The following GRAMD1B variants were observed in gnomAD, a reference collection of about 807,000 sequenced individuals.
GRAMD1B encodes protein Aster-B.
In GRAMD1B, 37 loss-of-function variants were observed where a neutral mutation model predicts 99.7. That is an observed-to-expected ratio of 0.37 (90% CI 0.29 to 0.49). The LOEUF is 0.49. GRAMD1B is among the 20% of genes least tolerant of loss of function. GRAMD1B has a pLI of 0.98. For synonymous variants in GRAMD1B, 427 were observed against 387.6 expected, an observed-to-expected ratio of 1.10 and a Z score of -1.19; for missense variants, 888 against 1,009.2, an observed-to-expected ratio of 0.88 and a Z score of 1.63.
chr11:123,409,413 C>T (rs1947963077), intron 1 of GRAMD1B, among the ~76,000 whole-genome samples: 1 of 152,184 alleles, frequency 6.6e-6, no homozygotes, highest in Non-Finnish European at 1.5e-5. Context: ...GTGCCGCAGT[C>T]ATCTCATCTG....
intron 1 of GRAMD1B, among the ~76,000 whole-genome samples, chr11:123,373,520 A>G (rs1458242070): frequency 2.0e-5 from 3 of 152,168 alleles, no homozygotes; most frequent in Non-Finnish European, 4.4e-5. Flanking sequence ...ATGTTTATTG[A>G]TGCAGAAACA....
chr11:123,526,144 T>C (rs751942132), intron 2 of GRAMD1B: 3 of 1,612,944 alleles, frequency 1.9e-6, no homozygotes, highest in Middle Eastern at 1.7e-4. Context: ...ATCGTGACTG[T>C]ACTAATGAAA....
At chr11:123,489,294 G>T (rs566087519) in intron 2 of GRAMD1B, among the ~76,000 whole-genome samples, 4 of 152,278 alleles carry the variant, frequency 2.6e-5, no homozygotes, top group Admixed American at 2.0e-4. Context: ...AACTACTCAT[G>T]GAGTGTGCCA....
At chr11:123,458,342 A>G (rs1047954535) in intron 1 of GRAMD1B, 18 of 152,260 alleles carry the variant, frequency 1.2e-4, no homozygotes, top group African/African-American at 4.1e-4. Context: ...CAACTCTGGC[A>G]GTTCCATTCA....
At chr11:123,396,710 T>C (rs1947477678) in intron 1 of GRAMD1B, among the ~76,000 whole-genome samples, 1 of 152,214 alleles carries the variant, frequency 6.6e-6, no homozygotes, top group Non-Finnish European at 1.5e-5. Context: ...TTTTACTTTG[T>C]GGTTTGCAAG....
intron 8 of GRAMD1B, among the ~76,000 whole-genome samples, chr11:123,600,883 A>G (rs1183566442): frequency 6.6e-6 from 1 of 152,210 alleles, no homozygotes; most frequent in Non-Finnish European, 1.5e-5. Context: ...CCACCAGGGA[A>G]GCACCAGGGT....
At chr11:123,463,465 A>G (rs967785230) in intron 1 of GRAMD1B, among the ~76,000 whole-genome samples, 1 of 152,242 alleles carries the variant, frequency 6.6e-6, no homozygotes. Flanking sequence ...TAAATACAAC[A>G]TATTAGTATG....
At chr11:123,608,499 AC>A in intron 11 of GRAMD1B, 159 bp from the exon 12 acceptor site, 1 of 1,536,798 alleles carries the variant, frequency 6.5e-7, no homozygotes, top group South Asian at 1.2e-5. Context: ...AAAGTCATAA[AC>A]CATGCCCACG....
intron 3 of GRAMD1B, chr11:123,578,347 G>C (rs564335651): frequency 3.1e-4 from 421 of 1,355,286 alleles, no homozygotes; most frequent in Non-Finnish European, 4.1e-4. Context: ...TTGATTTCTT[G>C]TTCTTCCTCT....
chr11:123,574,124 G>A (rs1203874363), intron 2 of GRAMD1B, among the ~76,000 whole-genome samples: 1 of 151,962 alleles, frequency 6.6e-6, no homozygotes, highest in Non-Finnish European at 1.5e-5. Context: ...GCAGGGAGAT[G>A]CAGAGGGCAA....
rs1955443633 is a variant in GRAMD1B, at chr11:123,625,430, T to C, written c.*2835T>C. The C allele has an allele frequency of 6.6e-6, 1 of 152,232 alleles. No individual in the cohort carries two copies. The allele number at this position is 152,232 out of a possible 1,614,324, so 9.4% of individuals were successfully genotyped here. A position where few individuals can be genotyped will look rare whatever the true frequency, so the allele number is the denominator to read the frequency against. ...ACAGCTATAGGATCTAAAGTTCCAT[T>C]ACAGCTTACTGTGAAAGAATTGACA... On this transcript the variant is annotated 3_prime_UTR_variant, in exon 20 of 20. Transcript: ENST00000635736.
chr11:123,531,130 G>A (rs1027197708), intron 2 of GRAMD1B, among the ~76,000 whole-genome samples: 17 of 152,108 alleles, frequency 1.1e-4, no homozygotes, highest in Non-Finnish European at 1.9e-4. Context: ...TACAAACATC[G>A]CACAGCAGGC....
At chr11:123,488,110 C>T (rs1442449985) in intron 2 of GRAMD1B, among the ~76,000 whole-genome samples, 7 of 152,184 alleles carry the variant, frequency 4.6e-5, no homozygotes, top group African/African-American at 9.7e-5. Flanking sequence ...TTTGTCCTTA[C>T]GTGGTAAAAA....
chr11:123,559,151 C>A (rs1946442325), intron 2 of GRAMD1B, among the ~76,000 whole-genome samples: 1 of 152,218 alleles, frequency 6.6e-6, no homozygotes, highest in Admixed American at 6.5e-5. Context: ...GTTAGAAAGG[C>A]TGACTTTTGG....
intron 1 of GRAMD1B, among the ~76,000 whole-genome samples, chr11:123,373,054 G>A (rs1290453896): frequency 1.3e-5 from 2 of 152,194 alleles, no homozygotes; most frequent in Admixed American, 6.5e-5. Flanking sequence ...CATGAGAATC[G>A]CTTAAGTCCA....
intron 1 of GRAMD1B, among the ~76,000 whole-genome samples, chr11:123,477,642 C>G (rs1471369472): frequency 7.5e-6 from 1 of 132,732 alleles, no homozygotes; most frequent in Non-Finnish European, 1.6e-5. Context: ...CCCCTCCCTT[C>G]CCTCCCTTCC....
intron 1 of GRAMD1B, among the ~76,000 whole-genome samples, chr11:123,417,691 C>T (rs2063888520): frequency 6.6e-6 from 1 of 152,184 alleles, no homozygotes; most frequent in Non-Finnish European, 1.5e-5. Flanking sequence ...AATCCCAGCA[C>T]TTTGGGAGGC....
At chr11:123,578,452 T>C (rs932994971) in intron 3 of GRAMD1B, 2 of 1,497,148 alleles carry the variant, frequency 1.3e-6, no homozygotes, top group Non-Finnish European at 1.8e-6. Flanking sequence ...TTTGTCTCTG[T>C]CCTTTTATCT....
chr11:123,492,025 A>G lies in GRAMD1B; in HGVS notation c.452+11132A>G. 1 of 398,092 alleles carries G rather than the reference A, an allele frequency of 2.5e-6. No homozygotes were observed. Among genetic ancestry groups the G allele is most frequent in the Non-Finnish European group, 4.4e-6 (1 of 225,574 alleles). 24.7% of individuals were successfully genotyped at this position (398,092 alleles called of 1,614,324 possible). A position where few individuals can be genotyped will look rare whatever the true frequency, so the allele number is the denominator to read the frequency against. ...TGGGTTGGCTCCCATGTTTGGAGAT[A>G]TTGTAGGTCCCTGCCCAAGAGGGAC... On this transcript the variant is annotated intron_variant, in intron 2 of 19. Transcript: ENST00000635736. This position sits in a 1 kb window ranked among gnomAD's most constrained non-coding sequence, Gnocchi z 4.2.
Sources: allele counts gnomAD v4.1 joint callset (sites outside exome capture counted in the v4.1 genomes callset), GRCh38; gene constraint gnomAD v4.1.1; non-coding constraint Gnocchi (gnomAD v3.1); transcripts MANE v1.5; gene names NCBI Gene and HGNC (gene_info 2026-07-23, HGNC 2026-07-21).